Variants in KCNH7 observed in about 807,000 individuals in gnomAD.
The protein encoded by KCNH7 is potassium voltage-gated channel subfamily H member 7, also known as voltage-gated inwardly rectifying potassium channel KCNH7.
A neutral mutation model predicts 120.8 loss-of-function variants in KCNH7; 49 were observed. That is an observed-to-expected ratio of 0.41 (90% confidence interval 0.32 to 0.51). The LOEUF (loss-of-function observed/expected upper bound fraction) is 0.51, where lower values mean the gene tolerates loss of function less well. KCNH7 is among the 20% of genes least tolerant of loss of function. The pLI is 0.38. For synonymous variants in KCNH7, 547 were observed against 516.1 expected, an observed-to-expected ratio of 1.06 and a Z score of -0.81; for missense variants, 1,097 against 1,446.6, an observed-to-expected ratio of 0.76 and a Z score of 3.92.
chr2:162,696,054 G>A (rs1033802662), intron 2 of KCNH7, among the ~76,000 whole-genome samples: 1 of 152,122 alleles, frequency 6.6e-6, no homozygotes, highest in African/African-American at 2.4e-5. Flanking sequence ...TACCAGGCAA[G>A]GAGCTTCAGA....
In KCNH7 at chr2:162,650,956, T is replaced by C. The variant is rs1419720613; in HGVS notation, c.308-113876A>G. On this transcript the variant is annotated intron_variant, in intron 2 of 15. Coordinates refer to ENST00000332142, the MANE Select transcript of KCNH7 (RefSeq NM_033272.4). ...CAAAACTCTGAGAAGAATCACACCA[T>C]GAGTAGCATTCAGAGATAGCATATT... Among the ~76,000 whole-genome samples, 4 of 152,148 alleles carry C rather than the reference T, an allele frequency of 2.6e-5. No individual in the cohort carries two copies. In the East Asian group the frequency reaches 7.7e-4, roughly 29 times the overall value.
At chr2:162,601,071 T>C (rs1311133388) in intron 2 of KCNH7, among the ~76,000 whole-genome samples, 1 of 152,074 alleles carries the variant, frequency 6.6e-6, no homozygotes, top group East Asian at 1.9e-4. Flanking sequence ...GAAAAAAGGG[T>C]AACTCATATT....
intron 2 of KCNH7, among the ~76,000 whole-genome samples, chr2:162,781,646 T>C (rs532803094): frequency 1.6e-4 from 24 of 152,242 alleles, no homozygotes; most frequent in Middle Eastern, 3.4e-3. Context: ...TTATACTTTT[T>C]TGAGCATGGG....
At chr2:162,622,706 G>A (rs1683407322) in intron 2 of KCNH7, among the ~76,000 whole-genome samples, 1 of 152,088 alleles carries the variant, frequency 6.6e-6, no homozygotes, top group South Asian at 2.1e-4. Context: ...GTGCCACTAA[G>A]AGGCCAGTTG....
At chr2:162,419,464 T>C (rs1687636667) in intron 9 of KCNH7, among the ~76,000 whole-genome samples, 1 of 152,012 alleles carries the variant, frequency 6.6e-6, no homozygotes, top group Non-Finnish European at 1.5e-5. Context: ...TTAAAAAATA[T>C]TGGAAAACAA....
intron 12 of KCNH7, among the ~76,000 whole-genome samples, chr2:162,389,336 C>T (rs1239509892): frequency 6.6e-6 from 1 of 151,918 alleles, no homozygotes; most frequent in Non-Finnish European, 1.5e-5. Flanking sequence ...CTACACAGGC[C>T]AATGTCCCTT....
intron 2 of KCNH7, among the ~76,000 whole-genome samples, chr2:162,587,109 G>A (rs540870849): frequency 1.3e-5 from 2 of 152,106 alleles, no homozygotes; most frequent in African/African-American, 4.8e-5. Flanking sequence ...ATAGCTTAAT[G>A]TTTTTGCCTG....
At chr2:162,596,418 AT>A (rs958006043) in intron 2 of KCNH7, among the ~76,000 whole-genome samples, 2 of 152,000 alleles carry the variant, frequency 1.3e-5, no homozygotes, top group African/African-American at 2.4e-5. Flanking sequence ...TGGTCAATTG[AT>A]TTTTTTGACA....
At chr2:162,538,625 A>G (rs1258181316) in intron 2 of KCNH7, among the ~76,000 whole-genome samples, 1 of 152,084 alleles carries the variant, frequency 6.6e-6, no homozygotes, top group Non-Finnish European at 1.5e-5. Context: ...TAATAAAGTC[A>G]GCATAAGAAA....
rs1190968339 is a variant in KCNH7 at position 162,389,971 on chromosome 2, A to G, written c.2710+4418T>C. On this transcript the variant is annotated intron_variant, in intron 12 of 15. Coordinates refer to ENST00000332142, the MANE Select transcript of KCNH7 (RefSeq NM_033272.4). Reference sequence around the variant, plus strand: ...AAACTTTTGAAACTAAAGTAGAAATAAACATGAAAAAACTCAGGGCACTTA... The same window carrying G: ...AAACTTTTGAAACTAAAGTAGAAATGAACATGAAAAAACTCAGGGCACTTA... Among the ~76,000 whole-genome samples the G allele has an allele frequency of 3.9e-5, 6 of 152,120 alleles. No homozygotes were observed. In the East Asian group the frequency reaches 1.2e-3, roughly 30 times the overall value.
In KCNH7 at chr2:162,685,479, G is replaced by T. The variant is rs531661676; in HGVS notation, c.308-148399C>A. Among the ~76,000 whole-genome samples the T allele has an allele frequency of 2.6e-5, 4 of 152,212 alleles. No individual in the cohort carries two copies. The East Asian group carries it at 5.8e-4, about 22-fold the overall frequency. ...TCCCGACTGAATATATTCTAGCGATGAATTGTCTAGCAAGAGGATGACTTG... is the reference window on the plus strand; with the variant it reads ...TCCCGACTGAATATATTCTAGCGATTAATTGTCTAGCAAGAGGATGACTTG... On this transcript the variant is annotated intron_variant, in intron 2 of 15. Coordinates refer to ENST00000332142, the MANE Select transcript of KCNH7 (RefSeq NM_033272.4).
chr2:162,380,338 C>A (rs1686373432), intron 13 of KCNH7, among the ~76,000 whole-genome samples: 2 of 152,122 alleles, frequency 1.3e-5, no homozygotes, highest in South Asian at 4.1e-4. Flanking sequence ...GATTAGAGAA[C>A]AATGAGTCTG....
chr2:162,654,895 A>C (rs1684690682), intron 2 of KCNH7, among the ~76,000 whole-genome samples: 1 of 152,198 alleles, frequency 6.6e-6, no homozygotes, highest in Non-Finnish European at 1.5e-5. Flanking sequence ...GACAAGTATT[A>C]CATGGTCTCA....
chr2:162,389,572 T>C (rs1011576140), intron 12 of KCNH7, among the ~76,000 whole-genome samples: 6 of 151,986 alleles, frequency 3.9e-5, no homozygotes, highest in Non-Finnish European at 7.4e-5. Flanking sequence ...CAATGCCAAA[T>C]CTGTTGTTTT....
chr2:162,644,729 A>G (rs1344008155), intron 2 of KCNH7, among the ~76,000 whole-genome samples: 1 of 152,176 alleles, frequency 6.6e-6, no homozygotes, highest in Non-Finnish European at 1.5e-5. Context: ...TGTCTTTTCC[A>G]AACAAAATGA....
chr2:162,679,402 T>A (rs1685636798), intron 2 of KCNH7, among the ~76,000 whole-genome samples: 1 of 151,652 alleles, frequency 6.6e-6, no homozygotes, highest in Non-Finnish European at 1.5e-5. Flanking sequence ...TGAGATATAT[T>A]GTTTTAATTT....
intron 2 of KCNH7, among the ~76,000 whole-genome samples, chr2:162,748,927 T>C (rs1231233807): frequency 2.2e-4 from 6 of 27,842 alleles, no homozygotes; most frequent in Non-Finnish European, 3.7e-4. Context: ...TTCCCTTTCC[T>C]TTCCTTCCTT....
intron 2 of KCNH7, among the ~76,000 whole-genome samples, chr2:162,681,751 T>A (rs1277485409): frequency 6.6e-6 from 1 of 151,566 alleles, no homozygotes; most frequent in Non-Finnish European, 1.5e-5. Flanking sequence ...CAACTAGTTG[T>A]AAGTGTATAC....
At chr2:162,761,217 A>G (rs1475985676) in intron 2 of KCNH7, among the ~76,000 whole-genome samples, 1 of 152,094 alleles carries the variant, frequency 6.6e-6, no homozygotes, top group Non-Finnish European at 1.5e-5. Flanking sequence ...AAGCAAGCTT[A>G]AGTGAGGGAG....
Sources: allele counts gnomAD v4.1 joint callset (sites outside exome capture counted in the v4.1 genomes callset), GRCh38; gene constraint gnomAD v4.1.1; transcripts MANE v1.5; gene names NCBI Gene and HGNC (gene_info 2026-07-23, HGNC 2026-07-21).